The following NUDT3 variants were observed in gnomAD, a reference collection of about 807,000 sequenced individuals.
NUDT3 encodes the protein diphosphoinositol polyphosphate phosphohydrolase 1.
NUDT3 carries 9 observed loss-of-function variants against 23.6 expected under a neutral mutation model. That is an observed-to-expected ratio of 0.38 (90% CI 0.23 to 0.66). The LOEUF is 0.66. NUDT3 is among the 30% of genes least tolerant of loss of function. The pLI is 0.52. For missense variants in NUDT3, 172 were observed against 218.5 expected (o/e 0.79, Z 1.34); for synonymous variants, 86 against 82.6 (o/e 1.04, Z -0.22).
chr6:34,283,861 T>G lies in NUDT3; in HGVS notation c.*4892A>C, dbSNP rs1213135534. On this transcript the variant is annotated 3_prime_UTR_variant, in exon 5 of 5. Coordinates refer to ENST00000607016, the MANE Select transcript of NUDT3 (RefSeq NM_006703.4). ...TTTTTATACCTTAAAATATCAAATG[T>G]TTCATTTTTAGGTGATATCCCAAGT... The G allele has an allele frequency of 2.0e-5, 3 of 152,134 alleles. No individual in the cohort carries two copies. The highest frequency in any genetic ancestry group is 4.4e-5 in the Non-Finnish European group (3 of 68,034). The allele number at this position is 152,134 out of a possible 1,614,324, so 9.4% of individuals were successfully genotyped here.
chr6:34,383,653 G>C (rs951221254), intron 1 of NUDT3, among the ~76,000 whole-genome samples: 1 of 152,140 alleles, frequency 6.6e-6, no homozygotes, highest in African/African-American at 2.4e-5. Context: ...TGAAGATATA[G>C]ATTGCTTCAG....
chr6:34,376,873 C>G (rs1053220140), intron 1 of NUDT3, among the ~76,000 whole-genome samples: 1 of 152,030 alleles, frequency 6.6e-6, no homozygotes, highest in Non-Finnish European at 1.5e-5. Flanking sequence ...CAGCTGACAC[C>G]CCTTATCACT....
At chr6:34,356,720 A>T (rs1477031440) in intron 1 of NUDT3, among the ~76,000 whole-genome samples, 1 of 152,178 alleles carries the variant, frequency 6.6e-6, no homozygotes, top group Admixed American at 6.5e-5. Context: ...AAAAAAATCA[A>T]TCATTTATTT....
intron 1 of NUDT3, among the ~76,000 whole-genome samples, chr6:34,343,127 T>C (rs1467780332): frequency 6.6e-6 from 1 of 152,216 alleles, no homozygotes. Flanking sequence ...AAAACTTGTC[T>C]TAAACTTACA....
intron 2 of NUDT3, among the ~76,000 whole-genome samples, chr6:34,327,284 A>G (rs1561908243): frequency 1.3e-5 from 2 of 152,042 alleles, no homozygotes; most frequent in Non-Finnish European, 2.9e-5. Flanking sequence ...TAATCCCAGC[A>G]CTTTGGGAGG....
chr6:34,352,636 G>C (rs779335791), intron 1 of NUDT3, among the ~76,000 whole-genome samples: 1 of 152,168 alleles, frequency 6.6e-6, no homozygotes, highest in Non-Finnish European at 1.5e-5. Context: ...CATAATACAT[G>C]CTCAAACAGA....
intron 1 of NUDT3, among the ~76,000 whole-genome samples, chr6:34,362,007 TGTCATA>T (rs1485830655): frequency 5.9e-5 from 9 of 152,162 alleles, no homozygotes. Context: ...GATAATCATG[TGTCATA>T]GTAGGCTCAC....
intron 2 of NUDT3, among the ~76,000 whole-genome samples, chr6:34,302,024 T>C (rs1422162934): frequency 1.3e-5 from 2 of 152,102 alleles, no homozygotes; most frequent in Admixed American, 1.3e-4. Flanking sequence ...CTGCAGTTCT[T>C]TGTATCTTTA....
chr6:34,292,713 C>T (rs1375445579), intron 4 of NUDT3, among the ~76,000 whole-genome samples: 1 of 152,174 alleles, frequency 6.6e-6, no homozygotes, highest in Non-Finnish European at 1.5e-5. Context: ...GAGGGACTCA[C>T]ACCACCAAAC....
intron 1 of NUDT3, among the ~76,000 whole-genome samples, chr6:34,375,077 T>G (rs1764899290): frequency 7.2e-5 from 11 of 152,226 alleles, no homozygotes; most frequent in Admixed American, 7.2e-4. Context: ...CCGGGCGCTG[T>G]GGCTCATGCC....
At chr6:34,306,547 T>A (rs1458369655) in intron 2 of NUDT3, among the ~76,000 whole-genome samples, 1 of 152,238 alleles carries the variant, frequency 6.6e-6, no homozygotes, top group Non-Finnish European at 1.5e-5. Context: ...AATGTGGAGC[T>A]GGATGGAAAA....
intron 1 of NUDT3, among the ~76,000 whole-genome samples, chr6:34,368,927 C>T (rs368583823): frequency 2.0e-4 from 30 of 152,258 alleles, no homozygotes; most frequent in South Asian, 1.0e-3. Context: ...AGTGAGCCAC[C>T]GCGCCCGGCC....
rs144846223 is a variant in NUDT3, at chr6:34,355,408, A to G, written c.100-13436T>C. The stretch of plus-strand genomic sequence containing the variant: ...AGTCACGATGTATTATTCTTTTGGT[A>G]TATTGCTGGATGCAAGTTGCTAATG... On this transcript the variant is annotated intron_variant, in intron 1 of 4. Transcript: ENST00000607016. Among the ~76,000 whole-genome samples, 26 of 152,068 alleles carry G rather than the reference A, an allele frequency of 1.7e-4. No homozygotes were observed. The East Asian group carries it at 5.0e-3, about 29-fold the overall frequency.
chr6:34,368,434 T>G (rs1453314067), intron 1 of NUDT3, among the ~76,000 whole-genome samples: 2 of 152,136 alleles, frequency 1.3e-5, no homozygotes, highest in East Asian at 3.9e-4. Flanking sequence ...AGCAAAGAAG[T>G]GCAGCAGCAT....
chr6:34,361,646 T>C (rs1764651850), intron 1 of NUDT3, among the ~76,000 whole-genome samples: 2 of 152,158 alleles, frequency 1.3e-5, no homozygotes, highest in African/African-American at 4.8e-5. Flanking sequence ...AGTAGGTGAA[T>C]GGATAAATAA....
At chr6:34,304,338 G>A (rs148225409) in intron 2 of NUDT3, among the ~76,000 whole-genome samples, 89 of 151,828 alleles carry the variant, frequency 5.9e-4, no homozygotes, top group African/African-American at 2.0e-3. Flanking sequence ...AGGCTAAGGT[G>A]GAAAGACTGT....
chr6:34,362,542 A>C (rs910955427), intron 1 of NUDT3, among the ~76,000 whole-genome samples: 2 of 151,962 alleles, frequency 1.3e-5, no homozygotes, highest in Admixed American at 6.6e-5. Flanking sequence ...GTTCAATATA[A>C]ACTCAAAAAA....
rs142903783 is a variant in NUDT3 at position 34,349,616 on chromosome 6, G to A, written c.100-7644C>T. Among the ~76,000 whole-genome samples the A allele has an allele frequency of 1.3e-3, 196 of 150,664 alleles. 7 individuals carry two copies. In the East Asian group the frequency reaches 0.013, roughly 10 times the overall value. On this transcript the variant is annotated intron_variant, in intron 1 of 4. Coordinates refer to ENST00000607016, the MANE Select transcript of NUDT3 (RefSeq NM_006703.4). ...ATCTTCCAGCCAGAATGAGACTAAC[G>A]GAAGGGGAACATGGGCATTTGCAAA...
intron 2 of NUDT3, among the ~76,000 whole-genome samples, chr6:34,321,936 AGTTT>A (rs1763948509): frequency 1.3e-5 from 2 of 152,350 alleles, no homozygotes; most frequent in East Asian, 1.9e-4. Flanking sequence ...AATTTTAATT[AGTTT>A]GTTTTTGTTG....
Sources: allele counts gnomAD v4.1 joint callset (sites outside exome capture counted in the v4.1 genomes callset), GRCh38; gene constraint gnomAD v4.1.1; transcripts MANE v1.5; gene names NCBI Gene and HGNC (gene_info 2026-07-23, HGNC 2026-07-21).